FSHR: variants seen among roughly 807,000 people sequenced by gnomAD.
FSHR encodes the protein follicle stimulating hormone receptor.
A neutral mutation model predicts 52.1 loss-of-function variants in FSHR; 46 were observed. That is an observed-to-expected ratio of 0.88 (90% confidence interval 0.70 to 1.13). FSHR has a LOEUF of 1.13. Among genes scored for constraint, FSHR ranks in the 50% most tolerant of loss-of-function variants. FSHR has a pLI of 0.00. For missense variants in FSHR, 964 were observed against 834.6 expected (o/e 1.16, Z -1.91); for synonymous variants, 399 against 309.6 (o/e 1.29, Z -3.03).
chr2:49,102,560 T>A (rs756988012), intron 1 of FSHR, among the ~76,000 whole-genome samples: 10 of 152,232 alleles, frequency 6.6e-5, no homozygotes, highest in Admixed American at 1.3e-4. Flanking sequence ...CTCACTAGGG[T>A]GGACCAGTAC....
intron 2 of FSHR, among the ~76,000 whole-genome samples, chr2:49,042,981 T>C (rs1668530152): frequency 6.6e-6 from 1 of 152,190 alleles, no homozygotes; most frequent in Non-Finnish European, 1.5e-5. Flanking sequence ...TAGCAGATCC[T>C]ATAGCACTGG....
intron 9 of FSHR, among the ~76,000 whole-genome samples, chr2:48,965,902 T>G (rs1674457715): frequency 6.6e-6 from 1 of 152,114 alleles, no homozygotes; most frequent in Admixed American, 6.6e-5. Context: ...AAATCCTAAT[T>G]ATCATAAGGA....
chr2:48,967,299 A>G (rs1242924976), intron 9 of FSHR, among the ~76,000 whole-genome samples: 4 of 151,974 alleles, frequency 2.6e-5, no homozygotes, highest in Non-Finnish European at 5.9e-5. Flanking sequence ...AGGTCCCACC[A>G]TGTTACCCAG....
intron 6 of FSHR, among the ~76,000 whole-genome samples, chr2:48,985,373 C>G (rs772685145): frequency 9.2e-5 from 14 of 152,130 alleles, no homozygotes; most frequent in African/African-American, 1.4e-4. Flanking sequence ...GAAACACGCA[C>G]GAAGCAGGTC....
chr2:49,107,598 A>G (rs11125212), intron 1 of FSHR, among the ~76,000 whole-genome samples: 76,367 of 152,050 alleles, frequency 0.5, 19,809 homozygotes, highest in East Asian at 0.77. Flanking sequence ...CTGATTAACA[A>G]TGGTTAATCA....
chr2:49,038,357 C>T (rs890560257), intron 2 of FSHR, among the ~76,000 whole-genome samples: 5 of 152,120 alleles, frequency 3.3e-5, no homozygotes, highest in African/African-American at 1.2e-4. Context: ...CGCAGTGGCT[C>T]ACGCCTGTAA....
At chr2:49,052,022 T>C (rs1044854230) in intron 2 of FSHR, among the ~76,000 whole-genome samples, 1 of 152,126 alleles carries the variant, frequency 6.6e-6, no homozygotes, top group African/African-American at 2.4e-5. Context: ...TCCCAACTCA[T>C]TTTATAATAC....
At chr2:49,101,675 A>C (rs1671033163) in intron 1 of FSHR, among the ~76,000 whole-genome samples, 1 of 152,194 alleles carries the variant, frequency 6.6e-6, no homozygotes, top group Admixed American at 6.6e-5. Context: ...ATAACAGAAT[A>C]TCTGAACCAA....
chr2:49,119,911 A>T (rs958740928), intron 1 of FSHR, among the ~76,000 whole-genome samples: 3 of 152,190 alleles, frequency 2.0e-5, no homozygotes, highest in African/African-American at 4.8e-5. Flanking sequence ...TGAGAAATCA[A>T]TGAGAGAATG....
intron 1 of FSHR, among the ~76,000 whole-genome samples, chr2:49,106,564 C>G (rs1278748309): frequency 6.6e-6 from 1 of 152,112 alleles, no homozygotes; most frequent in Non-Finnish European, 1.5e-5. Flanking sequence ...ATATTTTACC[C>G]TATTCTGTTC....
intron 1 of FSHR, among the ~76,000 whole-genome samples, chr2:49,110,714 C>T (rs1033883396): frequency 6.6e-6 from 1 of 152,148 alleles, no homozygotes; most frequent in African/African-American, 2.4e-5. Flanking sequence ...TCAGACTCAG[C>T]AAGCTGCAAT....
chr2:48,988,085 T>C (rs1031541503), intron 6 of FSHR, among the ~76,000 whole-genome samples: 2 of 152,230 alleles, frequency 1.3e-5, no homozygotes, highest in African/African-American at 4.8e-5. Flanking sequence ...GCTTTACTCA[T>C]CAAAGTGTTA....
In FSHR at chr2:48,962,348, A is replaced by G. The variant is rs776185893; in HGVS notation, c.*385T>C. On this transcript the variant is annotated 3_prime_UTR_variant, in exon 10 of 10. Coordinates refer to ENST00000406846, the MANE Select transcript of FSHR (RefSeq NM_000145.4). Reference sequence around the variant, plus strand: ...GGCTCTGCCTCTTACAAACTAAACAATTTTGAACAAGTCACTTAACTCTTT... The same window carrying G: ...GGCTCTGCCTCTTACAAACTAAACAGTTTTGAACAAGTCACTTAACTCTTT... 2 of 249,390 alleles carry G rather than the reference A, an allele frequency of 8.0e-6. No individual in the cohort carries two copies. The highest frequency in any genetic ancestry group is 1.6e-5 in the Non-Finnish European group (2 of 127,562). 15.4% of individuals were successfully genotyped at this position (249,390 alleles called of 1,614,324 possible).
At chr2:49,017,464 G>C (rs772925869) in intron 4 of FSHR, 25 bp downstream of exon 4, 5 of 1,558,020 alleles carry the variant, frequency 3.2e-6, no homozygotes, top group Non-Finnish European at 4.4e-6. Context: ...TCATAGTGGG[G>C]GTACCAAACT....
intron 8 of FSHR, among the ~76,000 whole-genome samples, chr2:48,980,162 AGGG>A (rs1215732064): frequency 6.6e-6 from 1 of 152,196 alleles, no homozygotes; most frequent in Non-Finnish European, 1.5e-5. Context: ...TTTTGGCCCC[AGGG>A]GGAAAAGAGG....
chr2:49,133,664 A>G (rs1242198170), intron 1 of FSHR, among the ~76,000 whole-genome samples: 1 of 152,226 alleles, frequency 6.6e-6, no homozygotes, highest in East Asian at 1.9e-4. Flanking sequence ...CCTGACTTCA[A>G]ACTATACTAT....
Position 49,036,313 on chromosome 2 carries a change from T to C in FSHR, c.225-16153A>G, listed in dbSNP as rs117884969. Among the ~76,000 whole-genome samples the C allele has an allele frequency of 5.4e-3, 818 of 152,276 alleles. 22 individuals are homozygous for C. Among genetic ancestry groups the C allele is most frequent in the East Asian group, 0.047 (246 of 5,192 alleles). On this transcript the variant is annotated intron_variant, in intron 2 of 9. Coordinates refer to ENST00000406846, the MANE Select transcript of FSHR (RefSeq NM_000145.4). Reference sequence around the variant, plus strand: ...CCAAAAAAAGGTTAGACTTGTTATCTTTGATCTGTGTTTCATCATCTCCAG... The same window carrying C: ...CCAAAAAAAGGTTAGACTTGTTATCCTTGATCTGTGTTTCATCATCTCCAG...
chr2:48,996,405 C>A (rs1676024819), intron 4 of FSHR, among the ~76,000 whole-genome samples: 1 of 152,054 alleles, frequency 6.6e-6, no homozygotes, highest in Non-Finnish European at 1.5e-5. Context: ...GGGTTAGATT[C>A]CTATAAGCCT....
At chr2:49,127,869 TTCTTCTTCTTCTTCTTCTTCTTCTTCTTC>T (rs1558456946) in intron 1 of FSHR, among the ~76,000 whole-genome samples, 4 of 44,272 alleles carry the variant, frequency 9.0e-5, no homozygotes, top group African/African-American at 1.9e-4. Context: ...CTTCTTCTTC[TTCTTCTTCTTCTTCTTCTTCTTCTTCTTC>T]TTTTTTTTTT....
Sources: gnomAD v4.1 joint callset for allele counts (sites outside exome capture counted in the v4.1 genomes callset) on GRCh38, gnomAD v4.1.1 for gene constraint, MANE v1.5 for transcripts, NCBI Gene and HGNC (gene_info 2026-07-23, HGNC 2026-07-21) for gene names.